Variants in ARMC2 observed in about 807,000 individuals in gnomAD.
ARMC2 encodes armadillo repeat-containing protein 2.
ARMC2 carries 67 observed loss-of-function variants against 90.3 expected under a neutral mutation model. That is an observed-to-expected ratio of 0.74 (90% CI 0.61 to 0.91). The LOEUF (loss-of-function observed/expected upper bound fraction) is 0.91, where lower values mean the gene tolerates loss of function less well. ARMC2 is among the 40% of genes least tolerant of loss of function. The probability of loss-of-function intolerance (pLI) is 0.00; values close to 1 mark genes in which losing one functional copy is unlikely to be tolerated. For synonymous variants in ARMC2, 393 were observed against 393.0 expected, an observed-to-expected ratio of 1.00 and a Z score of 0.00; for missense variants, 920 against 1,030.9, an observed-to-expected ratio of 0.89 and a Z score of 1.47.
At chr6:108,854,544 C>T in intron 2 of ARMC2, 59 bp downstream of exon 2, 1 of 1,488,268 alleles carries the variant, frequency 6.7e-7, no homozygotes, top group South Asian at 1.2e-5. Context: ...TTATACCTTC[C>T]CTTAATTCTA....
At chr6:108,968,589 C>T (rs535535479) in intron 17 of ARMC2, among the ~76,000 whole-genome samples, 21 of 152,260 alleles carry the variant, frequency 1.4e-4, no homozygotes, top group East Asian at 3.9e-4. Flanking sequence ...GACTTCTGAC[C>T]GGGTCGTGGC....
At chr6:108,986,057 T>A in the ARMC2 span, among the ~76,000 whole-genome samples, 2 of 151,408 alleles carry the variant, frequency 1.3e-5, no homozygotes, top group South Asian at 2.1e-4. Flanking sequence ...AATAAATGTT[T>A]TGAGGAGTAA....
the ARMC2 span, among the ~76,000 whole-genome samples, chr6:108,988,156 T>C: frequency 6.6e-6 from 1 of 152,216 alleles, no homozygotes; most frequent in Non-Finnish European, 1.5e-5. Context: ...TGGAGGTTTG[T>C]TACATGTCAG....
intron 10 of ARMC2, among the ~76,000 whole-genome samples, chr6:108,918,613 A>G (rs1335250979): frequency 3.9e-5 from 6 of 152,126 alleles, no homozygotes; most frequent in Non-Finnish European, 8.8e-5. Flanking sequence ...ATGCTGGGGC[A>G]GGCCCAGTGC....
At position 108,965,039 on chromosome 6, in the gene ARMC2, GT is replaced by G; in HGVS notation, c.2346del (p.Cys782Ter). 3.1e-6 allele frequency: 5 copies of G among 1,613,754 alleles called. No individual in the cohort carries two copies. Among genetic ancestry groups the G allele is most frequent in the Non-Finnish European group, 4.2e-6 (5 of 1,179,730 alleles). On this transcript the variant is annotated frameshift_variant, in exon 17 of 18. Coordinates refer to ENST00000392644, the MANE Select transcript of ARMC2 (RefSeq NM_032131.6). LOFTEE classifies it high-confidence loss of function. Reference protein sequence around the residue: ...PTDWQLACLVCKTLWNFSENI... With the variant: ...PTDWQLACLVXKTLWNFSENI... ...GATTGGCAGCTGGCCTGCTTGGTTT[GT>G]AAAACTTTATGGAACTTCAGTGAAA...
chr6:108,986,750 C>CA, the ARMC2 span: 2 of 152,226 alleles, frequency 1.3e-5, no homozygotes, highest in Non-Finnish European at 2.9e-5. Context: ...GCTGGAAACA[C>CA]AAGTAATGCA....
the ARMC2 span, among the ~76,000 whole-genome samples, chr6:108,992,543 C>G: frequency 1.3e-5 from 2 of 152,160 alleles, no homozygotes; most frequent in Non-Finnish European, 2.9e-5. Flanking sequence ...ATCAACTCAT[C>G]TGAATTAAAT....
At chr6:108,864,917 G>C (rs910650140) in intron 3 of ARMC2, among the ~76,000 whole-genome samples, 6 of 151,978 alleles carry the variant, frequency 3.9e-5, no homozygotes, top group Admixed American at 1.3e-4. Context: ...AAATATGACT[G>C]TGTCTGTGTC....
chr6:109,013,556 GA>G, the ARMC2 span, among the ~76,000 whole-genome samples: 1 of 152,174 alleles, frequency 6.6e-6, no homozygotes, highest in Non-Finnish European at 1.5e-5. Context: ...TATTTTAGTA[GA>G]AAAAGCAGTA....
chr6:108,912,766 G>A (rs558824396), intron 10 of ARMC2, among the ~76,000 whole-genome samples: 2 of 152,346 alleles, frequency 1.3e-5, no homozygotes, highest in Admixed American at 1.3e-4. Flanking sequence ...TACAAGAGCA[G>A]CTCTCCACAC....
At position 108,868,828 on chromosome 6, in the gene ARMC2, C is replaced by T. The variant is rs749537185; in HGVS notation, c.296C>T (p.Pro99Leu). ...TTTAAAAAAATCTCTTTCCAGAAAC[C>T]GAAAGTTCCAGCATCTCCCACCAGA... ...GTRLSPLELKPKVPASPTREE... is the reference protein window; with the variant it reads ...GTRLSPLELKLKVPASPTREE... Residue 99 changes from proline (P) to leucine (L), a missense_variant, in exon 4 of 18, where the codon CCG (proline) becomes CTG (leucine). Pro to Leu is a moderately conservative substitution (Grantham distance 98). Transcript: ENST00000392644. 1.6e-5 allele frequency: 26 copies of T among 1,609,134 alleles called. No homozygotes were observed. The South Asian group carries it at 1.9e-4, about 12-fold the overall frequency.
At chr6:108,902,862 T>C (rs1772288479) in intron 7 of ARMC2, among the ~76,000 whole-genome samples, 2 of 152,200 alleles carry the variant, frequency 1.3e-5, no homozygotes, top group Admixed American at 6.5e-5. Context: ...TTTTGTGCTA[T>C]TTTTCTTCTT....
intron 12 of ARMC2, among the ~76,000 whole-genome samples, chr6:108,951,881 C>A (rs917309332): frequency 6.6e-6 from 1 of 152,182 alleles, no homozygotes; most frequent in Admixed American, 6.5e-5. Flanking sequence ...GGAGATAATT[C>A]TTTAACTGTT....
chr6:108,979,388 T>G (rs1047067967), downstream of ARMC2, among the ~76,000 whole-genome samples: 1 of 152,216 alleles, frequency 6.6e-6, no homozygotes, highest in African/African-American at 2.4e-5. Context: ...CTTCCCTTTG[T>G]GGGTAATCCG....
chr6:108,976,518 G>A (rs1778986102), downstream of ARMC2, among the ~76,000 whole-genome samples: 1 of 152,180 alleles, frequency 6.6e-6, no homozygotes, highest in South Asian at 2.1e-4. Context: ...GAAATTTAAA[G>A]TAGTTTTCTC....
At chr6:109,023,655 CA>C in the ARMC2 span, among the ~76,000 whole-genome samples, 8 of 152,076 alleles carry the variant, frequency 5.3e-5, no homozygotes, top group Non-Finnish European at 8.8e-5. Flanking sequence ...ACATCACATA[CA>C]AATAGGTACT....
chr6:108,871,354 G>A (rs1379483636), intron 4 of ARMC2, among the ~76,000 whole-genome samples: 1 of 152,192 alleles, frequency 6.6e-6, no homozygotes, highest in Non-Finnish European at 1.5e-5. Flanking sequence ...AGCTGCCCAT[G>A]AGAATCACCT....
chr6:108,933,019 T>G (rs1775700239), intron 11 of ARMC2, among the ~76,000 whole-genome samples: 1 of 152,176 alleles, frequency 6.6e-6, no homozygotes, highest in Non-Finnish European at 1.5e-5. Flanking sequence ...TTGTTCTTTT[T>G]GCATAAGATT....
intron 7 of ARMC2, among the ~76,000 whole-genome samples, chr6:108,901,078 C>A (rs1389732172): frequency 7.0e-6 from 1 of 142,994 alleles, no homozygotes; most frequent in East Asian, 2.1e-4. Flanking sequence ...TGTAGGAAGC[C>A]TTCCTACAGG....
Sources: allele counts gnomAD v4.1 joint callset (sites outside exome capture counted in the v4.1 genomes callset), GRCh38; gene constraint gnomAD v4.1.1; transcripts MANE v1.5; gene names NCBI Gene and HGNC (gene_info 2026-07-23, HGNC 2026-07-21).